Variants in ZYG11A observed in about 807,000 individuals in gnomAD.
ZYG11A encodes the protein zyg-11 family member A, cell cycle regulator, also known as protein zyg-11 homolog A.
Under a neutral mutation model 77.2 loss-of-function variants are expected in ZYG11A, and 62 were observed. The ratio of observed to expected loss-of-function variants is 0.80; its 90% CI spans 0.65 to 0.99. The LOEUF is 0.99. ZYG11A is among the 50% of genes least tolerant of loss of function. ZYG11A has a pLI of 0.00. For synonymous variants in ZYG11A, 315 were observed against 324.6 expected (o/e 0.97, Z 0.32); for missense variants, 828 against 896.8 (o/e 0.92, Z 0.98).
rs778235055 is a variant in ZYG11A at position 52,887,054 on chromosome 1, G to T, written c.2104+1G>T. 1 of 1,470,630 alleles carries T rather than the reference G, an allele frequency of 6.8e-7. No homozygotes were observed. Among genetic ancestry groups the T allele is most frequent in the Non-Finnish European group, 9.3e-7 (1 of 1,080,418 alleles). The allele number at this position is 1,470,630 out of a possible 1,614,324, so 91.1% of individuals were successfully genotyped here. ...ATGTATCATGTCTGCAGTAAAAATC[G>T]TATGTATTCAACATATATTCAAAAC... On this transcript the variant is annotated splice_donor_variant, in intron 13 of 13. Coordinates refer to ENST00000371528, the MANE Select transcript of ZYG11A (RefSeq NM_001004339.3). LOFTEE classifies it high-confidence loss of function.
At chr1:52,858,171 C>T (rs1407512931) in intron 3 of ZYG11A, among the ~76,000 whole-genome samples, 3 of 149,304 alleles carry the variant, frequency 2.0e-5, no homozygotes, top group African/African-American at 7.4e-5. Flanking sequence ...CCAAGGCGGG[C>T]AGATCACTTG....
chr1:52,854,653 G>C (rs1420915421), intron 2 of ZYG11A, 23 bp downstream of exon 2: 1 of 1,495,474 alleles, frequency 6.7e-7, no homozygotes, highest in Non-Finnish European at 9.0e-7. Context: ...CTTCTCTAAA[G>C]TCAGCTCTTG....
chr1:52,873,677 T>C (rs1043230368), intron 8 of ZYG11A, among the ~76,000 whole-genome samples: 7 of 152,116 alleles, frequency 4.6e-5, no homozygotes, highest in Non-Finnish European at 8.8e-5. Flanking sequence ...TTTGAAAGGA[T>C]TGACTCCAAA....
chr1:52,859,077 A>T (rs1453041919), intron 3 of ZYG11A, among the ~76,000 whole-genome samples: 4 of 151,450 alleles, frequency 2.6e-5, no homozygotes, highest in Non-Finnish European at 5.9e-5. Flanking sequence ...TAATTAATTA[A>T]TTTTTTATTG....
At chr1:52,878,024 T>C (rs1464389812) in intron 10 of ZYG11A, 55 bp downstream of exon 10, 5 of 1,421,330 alleles carry the variant, frequency 3.5e-6, no homozygotes, top group East Asian at 5.0e-5. Flanking sequence ...AACCTAACAC[T>C]TATATAGTAC....
At chr1:52,854,383 G>A in intron 1 of ZYG11A, 82 bp from the exon 2 acceptor site, 1 of 1,270,884 alleles carries the variant, frequency 7.9e-7, no homozygotes, top group Non-Finnish European at 1.1e-6. Flanking sequence ...TCATCAAGTG[G>A]AATAGGTATG....
In ZYG11A at chr1:52,870,446, T is replaced by G. The variant is rs190768178; in HGVS notation, c.1542+2669T>G. Among the ~76,000 whole-genome samples the G allele has an allele frequency of 1.4e-3, 216 of 152,226 alleles. 1 individual carries two copies. Among genetic ancestry groups the G allele is most frequent in the African/African-American group, 4.8e-3 (199 of 41,544 alleles). On this transcript the variant is annotated intron_variant, in intron 8 of 13. Transcript: ENST00000371528. The stretch of plus-strand genomic sequence containing the variant: ...CGGCCAGGCAGAGACGCCCCTCACT[T>G]CCCAGACAGGGCGGCGGCCGGGCAG...
chr1:52,860,963 G>T, intron 4 of ZYG11A, 92 bp downstream of exon 4: 1 of 1,247,272 alleles, frequency 8.0e-7, no homozygotes, highest in South Asian at 1.5e-5. Flanking sequence ...TAAATTATAT[G>T]CTTTATTCTA....
chr1:52,887,740 T>C (rs951881903), intron 13 of ZYG11A, among the ~76,000 whole-genome samples: 1 of 151,726 alleles, frequency 6.6e-6, no homozygotes, highest in Non-Finnish European at 1.5e-5. Context: ...AAAAAAAAAT[T>C]AGCCAGGTAT....
chr1:52,849,176 G>A (rs890620103), intron 1 of ZYG11A, among the ~76,000 whole-genome samples: 2 of 151,860 alleles, frequency 1.3e-5, no homozygotes, highest in African/African-American at 2.4e-5. Context: ...AGGTTCTCCT[G>A]CTTCAGCCTC....
intron 1 of ZYG11A, among the ~76,000 whole-genome samples, chr1:52,846,306 A>ATT (rs1266242773): frequency 6.8e-5 from 2 of 29,560 alleles, no homozygotes; most frequent in East Asian, 1.0e-3. Context: ...GGCTTTTTAA[A>ATT]TTTTTATATA....
chr1:52,858,205 T>C (rs112739412), intron 3 of ZYG11A, among the ~76,000 whole-genome samples: 2,692 of 148,706 alleles, frequency 0.018, 55 homozygotes, highest in African/African-American at 0.062. Context: ...GAGACCAGCC[T>C]GGCCAACATG....
rs1571839342 is a variant in ZYG11A at position 52,854,556 on chromosome 1, C to T, written c.182C>T (p.Thr61Ile). 3.9e-6 allele frequency: 6 copies of T among 1,551,480 alleles called. No individual in the cohort carries two copies. Among genetic ancestry groups the T allele is most frequent in the Non-Finnish European group, 5.2e-6 (6 of 1,146,680 alleles). The change falls in exon 2 of 14, where the codon ACA becomes ATA. Residue 61 changes from threonine (T) to isoleucine (I), a missense_variant. Coordinates refer to ENST00000371528, the MANE Select transcript of ZYG11A (RefSeq NM_001004339.3). ...TTGTGTTCTGAAAGACCTGATGGAA[C>T]ACTGTGCCTTCCGGAGCATTGGAGT... is the stretch of plus-strand genomic sequence containing the variant. The part of the protein sequence containing the change: ...EKLCSERPDG[T>I]LCLPEHWSFP...
chr1:52,855,880 A>G (rs534473163), intron 2 of ZYG11A, among the ~76,000 whole-genome samples: 54 of 152,338 alleles, frequency 3.5e-4, no homozygotes, highest in African/African-American at 1.3e-3. Context: ...TATGTGTACA[A>G]ATTTTATTTT....
intron 6 of ZYG11A, among the ~76,000 whole-genome samples, chr1:52,867,268 A>G (rs1375982731): frequency 6.6e-6 from 1 of 152,214 alleles, no homozygotes; most frequent in African/African-American, 2.4e-5. Context: ...CAGACCTATC[A>G]TAGTAGAAAC....
chr1:52,890,867 G>T (rs1378026938), intron 13 of ZYG11A, among the ~76,000 whole-genome samples: 1 of 151,786 alleles, frequency 6.6e-6, no homozygotes, highest in African/African-American at 2.4e-5. Context: ...ACTATGTCTG[G>T]CCTATTTCTC....
At position 52,893,808 on chromosome 1, in the gene ZYG11A, C is replaced by CTTTTTTT. The variant is rs1182719295; in HGVS notation, c.*866_*872dup. The stretch of plus-strand genomic sequence containing the variant: ...AGAAAAGAGAAATATATTTTTTTAC[C>CTTTTTTT]TTTTTTTTTTTTTTTTTTTTTGTGA... On this transcript the variant is annotated 3_prime_UTR_variant, in exon 14 of 14. Coordinates refer to ENST00000371528, the MANE Select transcript of ZYG11A (RefSeq NM_001004339.3). 1 of 110,982 alleles carries CTTTTTTT rather than the reference C, an allele frequency of 9.0e-6. No homozygotes were observed. Among genetic ancestry groups the CTTTTTTT allele is most frequent in the Non-Finnish European group, 1.7e-5 (1 of 57,834 alleles). 6.9% of individuals were successfully genotyped at this position (110,982 alleles called of 1,614,324 possible).
At chr1:52,881,773 G>A in intron 11 of ZYG11A, 108 bp downstream of exon 11, 1 of 900,066 alleles carries the variant, frequency 1.1e-6, no homozygotes, top group Non-Finnish European at 1.6e-6. Context: ...GAAAAATAGA[G>A]AAAAACTTAT....
intron 1 of ZYG11A, among the ~76,000 whole-genome samples, chr1:52,852,576 C>T (rs189521668): frequency 1.3e-5 from 2 of 152,128 alleles, no homozygotes; most frequent in African/African-American, 4.8e-5. Flanking sequence ...GTTGGCCAGG[C>T]TGGTCTCAAA....
Sources: gnomAD v4.1 joint callset for allele counts (sites outside exome capture counted in the v4.1 genomes callset) on GRCh38, gnomAD v4.1.1 for gene constraint, MANE v1.5 for transcripts, NCBI Gene and HGNC (gene_info 2026-07-23, HGNC 2026-07-21) for gene names.